XIRP2: variants seen among roughly 807,000 people sequenced by gnomAD.
XIRP2 encodes xin actin-binding repeat-containing protein 2.
A neutral mutation model predicts 277.0 loss-of-function variants in XIRP2; 236 were observed. That is an observed-to-expected ratio of 0.85 (90% CI 0.77 to 0.95). The LOEUF (loss-of-function observed/expected upper bound fraction) is 0.95, where lower values mean the gene tolerates loss of function less well. XIRP2 is among the 40% of genes least tolerant of loss of function. XIRP2 has a pLI of 0.00. For synonymous variants in XIRP2, 1,490 were observed against 1,416.5 expected, an observed-to-expected ratio of 1.05 and a Z score of -1.17; for missense variants, 4,640 against 4,157.5, an observed-to-expected ratio of 1.12 and a Z score of -3.19.
At chr2:166,954,975 T>C (rs150912047) in intron 2 of XIRP2, among the ~76,000 whole-genome samples, 538 of 151,892 alleles carry the variant, frequency 3.5e-3, no homozygotes, top group Non-Finnish European at 6.3e-3. Context: ...GCTTAATACC[T>C]AGGTGATGGG....
At chr2:167,146,545 T>C (rs1691870831) in intron 3 of XIRP2, among the ~76,000 whole-genome samples, 1 of 150,112 alleles carries the variant, frequency 6.7e-6, no homozygotes, top group South Asian at 2.1e-4. Context: ...TTATAGAGAA[T>C]AGAATATAAA....
At chr2:166,941,289 C>T (rs370714769) in intron 2 of XIRP2, among the ~76,000 whole-genome samples, 21 of 152,200 alleles carry the variant, frequency 1.4e-4, no homozygotes, top group Non-Finnish European at 2.6e-4. Context: ...CTAAGACCAT[C>T]GGAAAAGCAC....
chr2:167,210,601 A>G, intron 3 of XIRP2, 134 bp from the exon 4 acceptor site: 1 of 1,210,120 alleles, frequency 8.3e-7, no homozygotes, highest in Non-Finnish European at 1.2e-6. Context: ...ACCATGAGAC[A>G]TTGAAAATAT....
intron 2 of XIRP2, among the ~76,000 whole-genome samples, chr2:166,956,835 A>G (rs1482559782): frequency 6.6e-6 from 1 of 151,786 alleles, no homozygotes; most frequent in Non-Finnish European, 1.5e-5. Flanking sequence ...GCTTTCATTT[A>G]TATCTCAATG....
chr2:167,026,708 A>T (rs924697214), intron 2 of XIRP2, among the ~76,000 whole-genome samples: 2 of 152,010 alleles, frequency 1.3e-5, no homozygotes, highest in African/African-American at 2.4e-5. Context: ...TCTCCTTCAC[A>T]TATGAAGCTT....
At chr2:167,014,863 A>G (rs58164217) in intron 2 of XIRP2, among the ~76,000 whole-genome samples, 15,691 of 151,792 alleles carry the variant, frequency 0.1, 1,325 homozygotes, top group East Asian at 0.38. Flanking sequence ...TACATGGCTA[A>G]TAAGTAATGG....
chr2:167,248,544 T>C lies in XIRP2; in HGVS notation c.7152T>C (p.Ala2384=), dbSNP rs1307764005. Reference sequence around the variant, plus strand: ...CAGCACATCTCCTTTCCTCCTCTGCTCCGGAAAAGCACAGTGGAGACTTCA... The same window carrying C: ...CAGCACATCTCCTTTCCTCCTCTGCCCCGGAAAAGCACAGTGGAGACTTCA... ...QKPAHLLSSS[A]PEKHSGDFMQ... Residue 2384 remains alanine, a synonymous_variant, in exon 9 of 11, where the codon GCT becomes GCC. Transcript: ENST00000409195. 6.2e-7 allele frequency: 1 copy of C among 1,613,672 alleles called. No homozygotes were observed. The highest frequency in any genetic ancestry group is 1.1e-5 in the South Asian group (1 of 91,070).
chr2:166,951,723 G>A (rs1380900975), intron 2 of XIRP2, among the ~76,000 whole-genome samples: 1 of 151,950 alleles, frequency 6.6e-6, no homozygotes, highest in Non-Finnish European at 1.5e-5. Flanking sequence ...TATGTCATAT[G>A]GACATTTCAC....
chr2:167,096,324 G>C (rs1231727860), intron 2 of XIRP2, among the ~76,000 whole-genome samples: 1 of 152,126 alleles, frequency 6.6e-6, no homozygotes, highest in Non-Finnish European at 1.5e-5. Context: ...AGATTTTTTA[G>C]TTTATTTGCA....
At chr2:167,182,023 A>G (rs1693031204) in intron 3 of XIRP2, among the ~76,000 whole-genome samples, 1 of 152,182 alleles carries the variant, frequency 6.6e-6, no homozygotes, top group Non-Finnish European at 1.5e-5. Flanking sequence ...ACTATGAGAT[A>G]TGATTTAAAT....
At chr2:167,049,355 T>C (rs1485984845) in intron 2 of XIRP2, among the ~76,000 whole-genome samples, 3 of 151,966 alleles carry the variant, frequency 2.0e-5, no homozygotes, top group Non-Finnish European at 4.4e-5. Context: ...CAATATTATA[T>C]ATAGCTGATG....
rs576850938 is a variant in XIRP2, at chr2:167,031,273, G to A, written c.409-104636G>A. Among the ~76,000 whole-genome samples, 11 of 152,154 alleles carry A rather than the reference G, an allele frequency of 7.2e-5. No homozygotes were observed. The East Asian group carries it at 1.4e-3, about 19-fold the overall frequency. Reference sequence around the variant, plus strand: ...GTTATTTTTCCCATTAGTTGATGCAGTTTCTTCATAGTGTTGATGGTCTTT... The same window carrying A: ...GTTATTTTTCCCATTAGTTGATGCAATTTCTTCATAGTGTTGATGGTCTTT... On this transcript the variant is annotated intron_variant, in intron 2 of 10. Coordinates refer to ENST00000409195, the MANE Select transcript of XIRP2 (RefSeq NM_152381.6).
chr2:167,164,834 C>T (rs999395908), intron 3 of XIRP2, among the ~76,000 whole-genome samples: 1 of 152,182 alleles, frequency 6.6e-6, no homozygotes. Context: ...CAATATTTCC[C>T]ACCATAGTGG....
intron 3 of XIRP2, among the ~76,000 whole-genome samples, chr2:167,185,160 A>G (rs1191645182): frequency 6.6e-6 from 1 of 152,178 alleles, no homozygotes; most frequent in Non-Finnish European, 1.5e-5. Context: ...AATGAACCAA[A>G]TTACGTGATC....
intron 2 of XIRP2, among the ~76,000 whole-genome samples, chr2:167,074,604 CTGTG>C (rs199933269): frequency 8.8e-5 from 13 of 147,672 alleles, no homozygotes; most frequent in Admixed American, 1.3e-4. Context: ...TGGTTTCTTT[CTGTG>C]TGTGTGTGTG....
intron 2 of XIRP2, among the ~76,000 whole-genome samples, chr2:167,100,478 G>T (rs2105285392): frequency 6.6e-6 from 1 of 152,222 alleles, no homozygotes; most frequent in East Asian, 1.9e-4. Context: ...CTCCTATCTA[G>T]CACCACCAAA....
At chr2:167,151,858 C>T (rs1308040045) in intron 3 of XIRP2, among the ~76,000 whole-genome samples, 1 of 152,062 alleles carries the variant, frequency 6.6e-6, no homozygotes, top group East Asian at 1.9e-4. Flanking sequence ...GGAACCATTT[C>T]ACTGTATTTT....
At chr2:167,138,505 T>C (rs1389748828) in intron 3 of XIRP2, among the ~76,000 whole-genome samples, 1 of 152,220 alleles carries the variant, frequency 6.6e-6, no homozygotes, top group East Asian at 1.9e-4. Context: ...TTTTATTTGC[T>C]CCTTTTCCTC....
chr2:167,027,798 T>G (rs1688215701), intron 2 of XIRP2, among the ~76,000 whole-genome samples: 1 of 152,002 alleles, frequency 6.6e-6, no homozygotes, highest in African/African-American at 2.4e-5. Flanking sequence ...AGGTAAATCT[T>G]AAATAGAGAA....
Sources: gnomAD v4.1 joint callset for allele counts (sites outside exome capture counted in the v4.1 genomes callset) on GRCh38, gnomAD v4.1.1 for gene constraint, MANE v1.5 for transcripts, NCBI Gene and HGNC (gene_info 2026-07-23, HGNC 2026-07-21) for gene names.